The following RHPN1 variants were observed in gnomAD, a reference collection of about 807,000 sequenced individuals.
The protein encoded by RHPN1 is rhophilin-1.
Under a neutral mutation model 74.7 loss-of-function variants are expected in RHPN1, and 77 were observed. That is an observed-to-expected ratio of 1.03 (90% CI 0.86 to 1.25). The LOEUF (loss-of-function observed/expected upper bound fraction) is 1.25, where lower values mean the gene tolerates loss of function less well. Ranked by LOEUF, RHPN1 falls within the 50% of genes most tolerant of loss-of-function variation. The pLI is 0.00. For missense variants in RHPN1, 987 were observed against 932.2 expected, an observed-to-expected ratio of 1.06 and a Z score of -0.77; for synonymous variants, 444 against 414.5, an observed-to-expected ratio of 1.07 and a Z score of -0.87.
intron 1 of RHPN1, among the ~76,000 whole-genome samples, chr8:143,372,438 A>G (rs567916977): frequency 1.3e-5 from 2 of 151,868 alleles, no homozygotes; most frequent in East Asian, 3.9e-4. Flanking sequence ...TTTCTGGAGG[A>G]GGCGGGAGTG....
chr8:143,374,339 G>A, intron 1 of RHPN1: 3 of 984,142 alleles, frequency 3.0e-6, no homozygotes, highest in Non-Finnish European at 2.4e-6. Context: ...GACGCCACAA[G>A]GTCCTGGGGA....
intron 4 of RHPN1, among the ~76,000 whole-genome samples, chr8:143,377,998 C>T (rs1189326659): frequency 6.6e-6 from 1 of 152,216 alleles, no homozygotes; most frequent in Admixed American, 6.5e-5. Context: ...GTCTCCAGGC[C>T]CCGCTTCTGT....
Position 143,381,730 on chromosome 8 carries a change from G to A in RHPN1, c.1635+12G>A, listed in dbSNP as rs768519354. The A allele has an allele frequency of 1.3e-5, 21 of 1,607,082 alleles. No homozygotes were observed. The highest frequency in any genetic ancestry group is 2.2e-5 in the East Asian group (1 of 44,564). Reference sequence around the variant, plus strand: ...GGAGCCAGGCCGCGGTAAGGGCCCCGCCGGCCCCCTGAGGCTGAGTCCTTG... The same window carrying A: ...GGAGCCAGGCCGCGGTAAGGGCCCCACCGGCCCCCTGAGGCTGAGTCCTTG... On this transcript the variant is annotated intron_variant, in intron 13 of 14. Transcript: ENST00000289013.
rs549702946 is a variant in RHPN1 at position 143,378,724 on chromosome 8, C to T, written c.488C>T (p.Ser163Leu). The stretch of plus-strand genomic sequence containing the variant: ...ATGCGGACCCCCAGCCGGAATGAGT[C>T]GGGCCTGGAGCTGCTCACAGCCTAT... ...QAMRTPSRNE[S>L]GLELLTAYYN... Residue 163 changes from serine to leucine, a missense_variant, in exon 6 of 15, where the codon TCG becomes TTG. Coordinates refer to ENST00000289013, the MANE Select transcript of RHPN1 (RefSeq NM_052924.3). The T allele has an allele frequency of 1.2e-5, 19 of 1,595,260 alleles. No homozygotes were observed. Among genetic ancestry groups the T allele is most frequent in the East Asian group, 9.1e-5 (4 of 43,842 alleles).
Position 143,368,994 on chromosome 8 carries a change from C to T in RHPN1, c.7C>T (p.Leu3=). 6.7e-7 allele frequency: 1 copy of T among 1,494,746 alleles called. No homozygotes were observed. Among genetic ancestry groups the T allele is most frequent in the Non-Finnish European group, 8.9e-7 (1 of 1,129,844 alleles). The allele number at this position is 1,494,746 out of a possible 1,614,324, so 92.6% of individuals were successfully genotyped here. A position where few individuals can be genotyped will look rare whatever the true frequency, so the allele number is the denominator to read the frequency against. The change falls in exon 1 of 15, where the codon CTG becomes TTG. Residue 3 remains leucine (L), a synonymous_variant. Coordinates refer to ENST00000289013, the MANE Select transcript of RHPN1 (RefSeq NM_052924.3). MI[L]EERPDGAGAG... ...CAGCGCAGCGGGTGCGGCGATGATC[C>T]TGGAGGAGAGGCCGGACGGCGCGGG...
rs764728706 is a variant in RHPN1 at position 143,375,581 on chromosome 8, G to A, written c.89G>A (p.Cys30Tyr). 5 of 1,604,720 alleles carry A rather than the reference G, an allele frequency of 3.1e-6. No individual in the cohort carries two copies. The highest frequency in any genetic ancestry group is 2.2e-5 in the South Asian group (2 of 90,008). Reference sequence around the variant, plus strand: ...TGTGACTCCCTGACGCAGATCCAGTGCGGCCAGCTGCAGAGCCGCAGGGCC... The same window carrying A: ...TGTGACTCCCTGACGCAGATCCAGTACGGCCAGCTGCAGAGCCGCAGGGCC... Reference protein sequence around the residue: ...QGCDSLTQIQCGQLQSRRAQI... With the variant: ...QGCDSLTQIQYGQLQSRRAQI... The change falls in exon 2 of 15, where the codon TGC becomes TAC. Residue 30 changes from cysteine to tyrosine, a missense_variant. Coordinates refer to ENST00000289013, the MANE Select transcript of RHPN1 (RefSeq NM_052924.3).
rs553239044 is a variant in RHPN1, at chr8:143,376,559, G to A, written c.211G>A (p.Ala71Thr). 3.0e-5 allele frequency: 49 copies of A among 1,611,982 alleles called. No individual in the cohort carries two copies. Among genetic ancestry groups the A allele is most frequent in the Admixed American group, 6.7e-5 (4 of 59,926 alleles). The stretch of plus-strand genomic sequence containing the variant: ...CAACAACCGGGTGAGAGAGACGGTC[G>A]CCCTGGAGCTGAGCTACGTCAACTC... Reference protein sequence around the residue: ...TSNNRVRETVALELSYVNSNL... With the variant: ...TSNNRVRETVTLELSYVNSNL... The change falls in exon 3 of 15, where the codon GCC (alanine) becomes ACC (threonine). Residue 71 changes from alanine (A) to threonine (T), a missense_variant. Transcript: ENST00000289013.
chr8:143,378,490 G>A (rs1818445669), intron 5 of RHPN1, 144 bp downstream of exon 5: 1 of 999,464 alleles, frequency 1.0e-6, no homozygotes, highest in Admixed American at 2.2e-5. Flanking sequence ...GGCCCTGTGT[G>A]TCCAGACCCA....
chr8:143,367,584 C>T (rs1342554530), upstream of RHPN1: 3 of 152,256 alleles, frequency 2.0e-5, no homozygotes, highest in Non-Finnish European at 4.4e-5. Flanking sequence ...TGGGAGGGGC[C>T]TGCTGCAGAT....
chr8:143,382,618 G>T lies in RHPN1; in HGVS notation c.1980G>T (p.Pro660=), dbSNP rs202184571. ...PQPCAPVKPA[P]PSSLKHPGWP ...CCTGTGCCCCAGTGAAGCCAGCTCCGCCCTCATCCTTGAAGCACCCAGGGT... is the reference window on the plus strand; with the variant it reads ...CCTGTGCCCCAGTGAAGCCAGCTCCTCCCTCATCCTTGAAGCACCCAGGGT... Residue 660 remains proline (P), a synonymous_variant, in exon 15 of 15, where the codon CCG becomes CCT. Transcript: ENST00000289013. 6 of 1,610,524 alleles carry T rather than the reference G, an allele frequency of 3.7e-6. No individual in the cohort carries two copies. In the African/African-American group the frequency reaches 6.7e-5, roughly 18 times the overall value.
At chr8:143,381,514 G>A in intron 12 of RHPN1, 58 bp from the exon 13 acceptor site, 1 of 1,556,676 alleles carries the variant, frequency 6.4e-7, no homozygotes, top group Admixed American at 1.9e-5. Flanking sequence ...GTGCTAGTCA[G>A]GCGGGGTCTC....
At position 143,368,945 on chromosome 8, in the gene RHPN1, G is replaced by T; in HGVS notation, c.-43G>T. ...GCTGCGGAGCGCTGCGCGAGCGGCG[G>T]GCTGGCTGACCCCGAGGGACCCCCA... On this transcript the variant is annotated 5_prime_UTR_variant, in exon 1 of 15. Transcript: ENST00000289013. The T allele has an allele frequency of 7.0e-7, 1 of 1,423,276 alleles. No homozygotes were observed. The highest frequency in any genetic ancestry group is 9.2e-7 in the Non-Finnish European group (1 of 1,089,954). 88.2% of individuals were successfully genotyped at this position (1,423,276 alleles called of 1,614,324 possible).
chr8:143,375,601 A>C lies in RHPN1; in HGVS notation c.109A>C (p.Arg37=), dbSNP rs2130567045. 6.2e-7 allele frequency: 1 copy of C among 1,607,354 alleles called. No homozygotes were observed. The highest frequency in any genetic ancestry group is 8.5e-7 in the Non-Finnish European group (1 of 1,177,644). ...CCAGTGCGGCCAGCTGCAGAGCCGC[A>C]GGGCCCAGATTCACCAGCAGATTGA... ...QIQCGQLQSR[R]AQIHQQIDKE... Residue 37 remains arginine, a synonymous_variant, in exon 2 of 15, where the codon AGG becomes CGG. Transcript: ENST00000289013.
rs7001294 is a variant in RHPN1 at position 143,373,646 on chromosome 8, T to C, written c.61-1907T>C. On this transcript the variant is annotated intron_variant, in intron 1 of 14. Coordinates refer to ENST00000289013, the MANE Select transcript of RHPN1 (RefSeq NM_052924.3). ...GACGGGGCGGGGATTTGGGGGATGG[T>C]GTGGGTTCCAGGGGACGGTGTGGGG... 9.9e-3 allele frequency among the ~76,000 whole-genome samples: 338 copies of C among 34,036 alleles called. 55 individuals carry two copies. Among genetic ancestry groups the C allele is most frequent in the Middle Eastern group, 0.029 (2 of 70 alleles). The allele number at this position is 34,036 out of a possible 152,430, so 22.3% of individuals were successfully genotyped here. A position where few individuals can be genotyped will look rare whatever the true frequency, so the allele number is the denominator to read the frequency against.
At chr8:143,366,096 C>T (rs1009761179), upstream of RHPN1, among the ~76,000 whole-genome samples, 2 of 151,314 alleles carry the variant, frequency 1.3e-5, no homozygotes, top group Non-Finnish European at 2.9e-5. Context: ...CTCAGAAGTT[C>T]AAGACCAGCC....
rs1818905703 is a variant in RHPN1 at position 143,383,955 on chromosome 8, C to G, written c.*1304C>G. On this transcript the variant is annotated 3_prime_UTR_variant, in exon 15 of 15. Transcript: ENST00000289013. ...GCATCCCAGGCTCTGGTTCCAGGGT[C>G]CAGGGCCCTGCGCTGCCACCTCCCT... is the stretch of plus-strand genomic sequence containing the variant. 1 of 152,396 alleles carries G rather than the reference C, an allele frequency of 6.6e-6. No homozygotes were observed. The highest frequency in any genetic ancestry group is 1.5e-5 in the Non-Finnish European group (1 of 68,226). 9.4% of individuals were successfully genotyped at this position (152,396 alleles called of 1,614,324 possible).
At chr8:143,365,916 G>A (rs1817551421), upstream of RHPN1, among the ~76,000 whole-genome samples, 1 of 151,678 alleles carries the variant, frequency 6.6e-6, no homozygotes, top group Admixed American at 6.6e-5. Context: ...AGGATTGCCT[G>A]AGCCTAGGAG....
intron 12 of RHPN1, 28 bp from the exon 13 acceptor site, chr8:143,381,544 G>A: frequency 1.3e-6 from 2 of 1,592,258 alleles, no homozygotes; most frequent in Non-Finnish European, 1.7e-6. Context: ...TGGCCCAGCT[G>A]GGCCTCTGAC....
At chr8:143,376,847 T>C (rs1818270018) in intron 3 of RHPN1, among the ~76,000 whole-genome samples, 194 bp downstream of exon 3, 1 of 141,434 alleles carries the variant, frequency 7.1e-6, no homozygotes, top group Admixed American at 7.1e-5. Context: ...TCTCTGTGTG[T>C]GTGCGTGTGT....
Sources: gnomAD v4.1 joint callset for allele counts (sites outside exome capture counted in the v4.1 genomes callset) on GRCh38, gnomAD v4.1.1 for gene constraint, MANE v1.5 for transcripts, NCBI Gene and HGNC (gene_info 2026-07-23, HGNC 2026-07-21) for gene names.